MAMDC2: variants seen among roughly 807,000 people sequenced by gnomAD.
MAMDC2 encodes MAM domain containing 2.
A neutral mutation model predicts 89.8 loss-of-function variants in MAMDC2; 57 were observed. That is an observed-to-expected ratio of 0.63 (90% CI 0.51 to 0.79). The LOEUF (loss-of-function observed/expected upper bound fraction) is 0.79, where lower values mean the gene tolerates loss of function less well. Ranked by LOEUF, MAMDC2 falls within the 30% of genes least tolerant of loss-of-function variation. The pLI is 0.00. For missense variants in MAMDC2, 800 were observed against 820.6 expected (o/e 0.97, Z 0.31); for synonymous variants, 313 against 293.4 (o/e 1.07, Z -0.68).
At chr9:70,139,540 G>A (rs1193633419) in intron 7 of MAMDC2, among the ~76,000 whole-genome samples, 1 of 151,872 alleles carries the variant, frequency 6.6e-6, no homozygotes, top group Non-Finnish European at 1.5e-5. Flanking sequence ...TTTGGGGTTG[G>A]TTCCAAGTCT....
intron 2 of MAMDC2, among the ~76,000 whole-genome samples, chr9:70,061,416 A>G (rs1291682113): frequency 1.3e-5 from 2 of 152,180 alleles, no homozygotes; most frequent in Non-Finnish European, 2.9e-5. Context: ...TCCCTCTTAA[A>G]GTACTTATCA....
At chr9:70,049,777 C>T (rs886302870) in intron 2 of MAMDC2, among the ~76,000 whole-genome samples, 1 of 152,200 alleles carries the variant, frequency 6.6e-6, no homozygotes, top group Admixed American at 6.5e-5. Flanking sequence ...CCATTTCCCG[C>T]TGCTGCCCTG....
Position 70,225,763 on chromosome 9 carries a change from C to A in MAMDC2, c.1925C>A (p.Ala642Asp). 1 of 1,599,382 alleles carries A rather than the reference C, an allele frequency of 6.3e-7. No individual in the cohort carries two copies. Among genetic ancestry groups the A allele is most frequent in the Non-Finnish European group, 8.6e-7 (1 of 1,167,038 alleles). Residue 642 changes from alanine (A) to aspartate (D), a missense_variant, in exon 13 of 14, where the codon GCC becomes GAC. Transcript: ENST00000377182. Reference protein sequence around the residue: ...CERQHQIIFEAIRGVSIRSDI... With the variant: ...CERQHQIIFEDIRGVSIRSDI... ...TTATTCTTTCAGATAATTTTTGAAG[C>A]CATTCGAGGAGTATCAATAAGAAGT...
intron 11 of MAMDC2, among the ~76,000 whole-genome samples, chr9:70,216,676 T>C (rs967298246): frequency 1.3e-4 from 20 of 152,192 alleles, no homozygotes; most frequent in African/African-American, 4.6e-4. Flanking sequence ...ACTTTTCAAA[T>C]AGAGGCAGTC....
intron 11 of MAMDC2, among the ~76,000 whole-genome samples, chr9:70,213,192 C>T (rs978733928): frequency 6.6e-6 from 1 of 152,206 alleles, no homozygotes; most frequent in African/African-American, 2.4e-5. Context: ...GGTCATCTCT[C>T]TCATGATGAA....
intron 7 of MAMDC2, among the ~76,000 whole-genome samples, chr9:70,133,595 A>T (rs181015547): frequency 5.9e-5 from 9 of 152,316 alleles, no homozygotes; most frequent in Admixed American, 5.9e-4. Flanking sequence ...GTTATGCTCA[A>T]TCCACCAGGA....
intron 11 of MAMDC2, chr9:70,217,603 G>A: frequency 3.1e-6 from 5 of 1,610,650 alleles, no homozygotes; most frequent in Non-Finnish European, 8.5e-7. Context: ...TACAAAGGCA[G>A]CACCTAAGCA....
At chr9:70,102,921 C>T (rs1006211877) in intron 2 of MAMDC2, among the ~76,000 whole-genome samples, 9 of 152,218 alleles carry the variant, frequency 5.9e-5, no homozygotes, top group African/African-American at 1.7e-4. Flanking sequence ...CCCAATCCCC[C>T]TGTGATTTCT....
intron 6 of MAMDC2, 137 bp downstream of exon 6, chr9:70,126,552 T>C: frequency 2.2e-6 from 2 of 910,216 alleles, no homozygotes; most frequent in Non-Finnish European, 3.3e-6. Flanking sequence ...GTATTCTTTC[T>C]CATCCTCAGC....
chr9:70,125,026 C>A (rs1272765514), intron 5 of MAMDC2, among the ~76,000 whole-genome samples: 2 of 152,172 alleles, frequency 1.3e-5, no homozygotes, highest in Non-Finnish European at 1.5e-5. Flanking sequence ...TTCTTATTAA[C>A]CAGAAATTAT....
At chr9:70,130,899 T>C (rs1177038281) in intron 6 of MAMDC2, among the ~76,000 whole-genome samples, 1 of 152,208 alleles carries the variant, frequency 6.6e-6, no homozygotes, top group African/African-American at 2.4e-5. Flanking sequence ...AGAAATGACA[T>C]AGGCACTTCA....
chr9:70,173,406 A>C lies in MAMDC2; in HGVS notation c.1651+2775A>C, dbSNP rs372299333. Among the ~76,000 whole-genome samples the C allele has an allele frequency of 1.8e-4, 27 of 152,296 alleles. No homozygotes were observed. The South Asian group carries it at 3.7e-3, about 21-fold the overall frequency. ...GAATGAATGCACAAATGAATAAATG[A>C]ATCTATAAACCTTCACTGACACATT... On this transcript the variant is annotated intron_variant, in intron 11 of 13. Transcript: ENST00000377182.
chr9:70,200,273 T>A (rs2033073436), intron 11 of MAMDC2, among the ~76,000 whole-genome samples: 1 of 151,132 alleles, frequency 6.6e-6, no homozygotes, highest in Non-Finnish European at 1.5e-5. Flanking sequence ...TACATATGGC[T>A]AGCCAGTTTT....
chr9:70,196,036 G>T (rs887038638), intron 11 of MAMDC2, among the ~76,000 whole-genome samples: 3 of 152,132 alleles, frequency 2.0e-5, no homozygotes, highest in African/African-American at 7.2e-5. Flanking sequence ...AATAATGGCA[G>T]AAGATGAAGG....
At position 70,044,593 on chromosome 9, in the gene MAMDC2, TCGC is replaced by T. The variant is rs1316014663; in HGVS notation, c.47_49del (p.Ala16del). ...CGCTTTGTGCCCGCAGCCCTGCAGC[TCGC>T]CGGTGCCCTCGACCTGCCCGCTGGG... On this transcript the variant is annotated inframe_deletion, in exon 2 of 14. Coordinates refer to ENST00000377182, the MANE Select transcript of MAMDC2 (RefSeq NM_153267.5). 1 of 1,550,132 alleles carries T rather than the reference TCGC, an allele frequency of 6.5e-7. No homozygotes were observed. The highest frequency in any genetic ancestry group is 8.7e-7 in the Non-Finnish European group (1 of 1,146,896).
chr9:70,105,885 A>C (rs561700113), intron 2 of MAMDC2: 6 of 152,178 alleles, frequency 3.9e-5, no homozygotes, highest in Non-Finnish European at 8.8e-5. Context: ...CTTAAATTCG[A>C]GTTGTACCTT....
At chr9:70,181,752 T>C (rs186282642) in intron 11 of MAMDC2, among the ~76,000 whole-genome samples, 1 of 152,214 alleles carries the variant, frequency 6.6e-6, no homozygotes, top group South Asian at 2.1e-4. Flanking sequence ...AAGGAGTTTT[T>C]GGGCTGAGAC....
chr9:70,213,932 G>A (rs1010215869), intron 11 of MAMDC2, among the ~76,000 whole-genome samples: 18 of 152,270 alleles, frequency 1.2e-4, no homozygotes, highest in African/African-American at 2.6e-4. Context: ...GAGTGACTAC[G>A]GTGGAGCCAT....
chr9:70,090,229 T>G (rs532352391), intron 2 of MAMDC2, among the ~76,000 whole-genome samples: 1 of 151,972 alleles, frequency 6.6e-6, no homozygotes, highest in South Asian at 2.1e-4. Context: ...TCCCAACACT[T>G]TGAGAGGCTG....
Sources: allele counts gnomAD v4.1 joint callset (sites outside exome capture counted in the v4.1 genomes callset), GRCh38; gene constraint gnomAD v4.1.1; transcripts MANE v1.5; gene names NCBI Gene and HGNC (gene_info 2026-07-23, HGNC 2026-07-21).